The following NUP205 variants were observed in gnomAD, a reference collection of about 807,000 sequenced individuals.
The protein encoded by NUP205 is nuclear pore complex protein Nup205.
Under a neutral mutation model 253.8 loss-of-function variants are expected in NUP205, and 76 were observed. The observed-to-expected ratio is 0.30, with a 90% confidence interval of 0.25 to 0.36. NUP205 has a LOEUF of 0.36. Among genes scored for constraint, NUP205 ranks in the 10% least tolerant of loss-of-function variants. The pLI is 1.00. For missense variants in NUP205, 2,162 were observed against 2,425.5 expected (o/e 0.89, Z 2.28); for synonymous variants, 832 against 850.1 (o/e 0.98, Z 0.37).
chr7:135,614,001 C>T (rs915737030), intron 22 of NUP205, among the ~76,000 whole-genome samples, 158 bp from the exon 23 acceptor site: 1 of 152,110 alleles, frequency 6.6e-6, no homozygotes, highest in Non-Finnish European at 1.5e-5. Context: ...CTGTTCATAA[C>T]TCTGAGCTTA....
intron 25 of NUP205, 77 bp downstream of exon 25, chr7:135,616,803 T>C: frequency 1.2e-6 from 1 of 840,768 alleles, no homozygotes; most frequent in Non-Finnish European, 1.7e-6. Context: ...GGGATTATTA[T>C]GCCTGTGCCT....
intron 1 of NUP205, among the ~76,000 whole-genome samples, chr7:135,559,672 A>T (rs2129489378): frequency 6.8e-6 from 1 of 148,080 alleles, no homozygotes; most frequent in African/African-American, 2.5e-5. Flanking sequence ...CGCAAGGTAT[A>T]CACATTTATT....
chr7:135,621,767 A>G (rs1407086777), intron 30 of NUP205, among the ~76,000 whole-genome samples: 3 of 152,164 alleles, frequency 2.0e-5, no homozygotes, highest in Admixed American at 1.3e-4. Context: ...ATTTTTGTCT[A>G]CATTGTACCT....
intron 30 of NUP205, among the ~76,000 whole-genome samples, chr7:135,621,916 C>T (rs955952814): frequency 9.2e-5 from 14 of 151,996 alleles, no homozygotes; most frequent in African/African-American, 3.4e-4. Context: ...GATTCTCCTG[C>T]CTCAGCCTCC....
chr7:135,619,674 C>T lies in NUP205; in HGVS notation c.4215C>T (p.Asp1405=). The part of the protein sequence containing the change: ...SLYIILKKLL[D]FILKTGGGFQ... Reference sequence around the variant, plus strand: ...ACATCATATTGAAGAAACTGTTAGACTTCATTTTGAAGACAGGTTTTTTTC... The same window carrying T: ...ACATCATATTGAAGAAACTGTTAGATTTCATTTTGAAGACAGGTTTTTTTC... The change falls in exon 29 of 43, where the codon GAC becomes GAT. Residue 1405 remains aspartate, a synonymous_variant. Coordinates refer to ENST00000285968, the MANE Select transcript of NUP205 (RefSeq NM_015135.3). The T allele has an allele frequency of 1.2e-6, 2 of 1,612,254 alleles. No homozygotes were observed. The highest frequency in any genetic ancestry group is 1.7e-6 in the Non-Finnish European group (2 of 1,179,256).
rs566054477 is a variant in NUP205, at chr7:135,648,416, G to A, written c.5899G>A (p.Ala1967Thr). The change falls in exon 43 of 43, where the codon GCA (alanine) becomes ACA (threonine). Residue 1967 changes from alanine to threonine, a missense_variant. This residue lies in a region of NUP205 where 1,144 missense variants were observed against 1,280.9 expected (regional missense o/e 0.89). Coordinates refer to ENST00000285968, the MANE Select transcript of NUP205 (RefSeq NM_015135.3). ...QHDLDQLQAD[A>T]INAFGESLQK... ...GTGTCACCGCTAGCTTCAGGCTGATGCAATCAACGCTTTTGGAGAATCACT... is the reference window on the plus strand; with the variant it reads ...GTGTCACCGCTAGCTTCAGGCTGATACAATCAACGCTTTTGGAGAATCACT... 1.9e-5 allele frequency: 30 copies of A among 1,586,566 alleles called. No individual in the cohort carries two copies. In the East Asian group the frequency reaches 6.1e-4, roughly 32 times the overall value.
In NUP205 at chr7:135,614,107, T is replaced by C. The variant is rs1584674638; in HGVS notation, c.3196-52T>C. Reference sequence around the variant, plus strand: ...AAGTTCATATTTTGTTACCATAATATGTGTAACACAGAAAGACTGATTCAG... The same window carrying C: ...AAGTTCATATTTTGTTACCATAATACGTGTAACACAGAAAGACTGATTCAG... On this transcript the variant is annotated intron_variant, in intron 22 of 42. Transcript: ENST00000285968. 11 of 987,040 alleles carry C rather than the reference T, an allele frequency of 1.1e-5. No homozygotes were observed. In the Admixed American group the frequency reaches 1.9e-4, roughly 17 times the overall value. The allele number at this position is 987,040 out of a possible 1,614,324, so 61.1% of individuals were successfully genotyped here. A position where few individuals can be genotyped will look rare whatever the true frequency, so the allele number is the denominator to read the frequency against.
At chr7:135,559,882 G>A (rs1805535469) in intron 1 of NUP205, among the ~76,000 whole-genome samples, 2 of 150,914 alleles carry the variant, frequency 1.3e-5, no homozygotes, top group African/African-American at 4.9e-5. Context: ...TTTTTGAGAT[G>A]GAGTCTCACT....
intron 15 of NUP205, chr7:135,598,741 T>C (rs1390895248): frequency 6.5e-6 from 1 of 153,130 alleles, no homozygotes; most frequent in Non-Finnish European, 1.5e-5. Context: ...TATATCATTT[T>C]ATATAATTCC....
intron 32 of NUP205, 24 bp downstream of exon 32, chr7:135,625,379 G>A (rs1412796683): frequency 6.6e-7 from 1 of 1,526,716 alleles, no homozygotes; most frequent in South Asian, 1.3e-5. Context: ...GACATTTGAT[G>A]TTAGATCAAG....
At chr7:135,635,266 C>T (rs1049719214) in intron 35 of NUP205, 9 of 174,938 alleles carry the variant, frequency 5.1e-5, no homozygotes, top group Admixed American at 1.9e-4. Context: ...CTAAAAACTC[C>T]TTTATGAGAA....
Position 135,619,444 on chromosome 7 carries a change from C to T in NUP205, c.3985C>T (p.Gln1329Ter). 6.2e-7 allele frequency: 1 copy of T among 1,612,984 alleles called. No individual in the cohort carries two copies. Among genetic ancestry groups the T allele is most frequent in the Non-Finnish European group, 8.5e-7 (1 of 1,180,002 alleles). ...HDKILDDEAA[Q>*]ELMPVVAGAV... ...TAAGATACTGGATGATGAAGCTGCG[C>T]AAGAGTTAATGCCTGTGGTCGCCGG... Residue 1329 changes from glutamine (Q) to a stop codon, truncating the protein, a stop_gained, in exon 29 of 43, where the codon CAA becomes TAA. Transcript: ENST00000285968. LOFTEE classifies it high-confidence loss of function.
chr7:135,647,577 T>C (rs1053662518), intron 42 of NUP205, among the ~76,000 whole-genome samples: 2 of 152,246 alleles, frequency 1.3e-5, no homozygotes, highest in Non-Finnish European at 2.9e-5. Context: ...TGGCATGCAG[T>C]GGTGTGACCA....
chr7:135,574,168 G>C (rs1460793697), intron 3 of NUP205, among the ~76,000 whole-genome samples: 1 of 152,066 alleles, frequency 6.6e-6, no homozygotes, highest in Non-Finnish European at 1.5e-5. Flanking sequence ...TGGAAGGAAG[G>C]CTTCAGTTTA....
chr7:135,626,342 C>G lies in NUP205; in HGVS notation c.4774C>G (p.Pro1592Ala). 1 of 1,614,012 alleles carries G rather than the reference C, an allele frequency of 6.2e-7. No individual in the cohort carries two copies. The highest frequency in any genetic ancestry group is 8.5e-7 in the Non-Finnish European group (1 of 1,179,972). ...TCAATGCCAAGTCTATGACATGCGCCCAGAAACGGACCCGCAGAGGTAAGT... is the reference window on the plus strand; with the variant it reads ...TCAATGCCAAGTCTATGACATGCGCGCAGAAACGGACCCGCAGAGGTAAGT... ...LAQCQVYDMR[P>A]ETDPQSMFGM... Residue 1592 changes from proline (P) to alanine (A), a missense_variant, in exon 33 of 43, where the codon CCA (proline) becomes GCA (alanine). Pro to Ala is a conservative substitution (Grantham distance 27, BLOSUM62 -1). Coordinates refer to ENST00000285968, the MANE Select transcript of NUP205 (RefSeq NM_015135.3).
chr7:135,574,496 T>C lies in NUP205; in HGVS notation c.343+671T>C, dbSNP rs529888529. Among the ~76,000 whole-genome samples the C allele has an allele frequency of 3.3e-5, 5 of 152,132 alleles. No homozygotes were observed. In the East Asian group the frequency reaches 7.7e-4, roughly 24 times the overall value. ...AGAAGGTGCCAGCCACCCAGACCTATTGGGTAAGGCTTTTCCGGGGAGAGC... is the reference window on the plus strand; with the variant it reads ...AGAAGGTGCCAGCCACCCAGACCTACTGGGTAAGGCTTTTCCGGGGAGAGC... On this transcript the variant is annotated intron_variant, in intron 3 of 42. Coordinates refer to ENST00000285968, the MANE Select transcript of NUP205 (RefSeq NM_015135.3).
chr7:135,618,356 A>C, intron 27 of NUP205, 56 bp from the exon 28 acceptor site: 1 of 1,420,122 alleles, frequency 7.0e-7, no homozygotes, highest in Admixed American at 1.7e-5. Flanking sequence ...AGTAACTGAC[A>C]GATAACTGAT....
In NUP205 at chr7:135,598,098, A is replaced by C; in HGVS notation, c.2165A>C (p.Asn722Thr). 2 of 1,614,036 alleles carry C rather than the reference A, an allele frequency of 1.2e-6. No homozygotes were observed. The highest frequency in any genetic ancestry group is 1.7e-6 in the Non-Finnish European group (2 of 1,179,988). The change falls in exon 15 of 43, where the codon AAT becomes ACT. Residue 722 changes from asparagine (N) to threonine (T), a missense_variant. Transcript: ENST00000285968. ...CTGGTGGAGAGCTCATTTCCTTCTA[A>C]TTTGGGTGCTGGACTGCGGCCCCCT... is the stretch of plus-strand genomic sequence containing the variant. ...STLVESSFPS[N>T]LGAGLRPPGF...
Position 135,617,645 on chromosome 7 carries a change from G to T in NUP205, c.3734G>T (p.Gly1245Val). 1.2e-6 allele frequency: 2 copies of T among 1,612,906 alleles called. No individual in the cohort carries two copies. The highest frequency in any genetic ancestry group is 1.7e-6 in the Non-Finnish European group (2 of 1,179,106). The change falls in exon 27 of 43, where the codon GGT becomes GTT. Residue 1245 changes from glycine to valine, a missense_variant. Gly to Val is a moderately radical substitution (Grantham distance 109). Coordinates refer to ENST00000285968, the MANE Select transcript of NUP205 (RefSeq NM_015135.3). ...VLVAEVNALQ[G>V]MAAIGQRPLL... Reference sequence around the variant, plus strand: ...GTAGCTGAAGTAAATGCCCTTCAGGGTATGGCAGCCATAGGACAGAGACCT... The same window carrying T: ...GTAGCTGAAGTAAATGCCCTTCAGGTTATGGCAGCCATAGGACAGAGACCT...
Sources: allele counts gnomAD v4.1 joint callset (sites outside exome capture counted in the v4.1 genomes callset), GRCh38; gene constraint gnomAD v4.1.1; regional missense constraint gnomAD v4.1.1; transcripts MANE v1.5; gene names NCBI Gene and HGNC (gene_info 2026-07-23, HGNC 2026-07-21).